The following IL12RB1 variants were observed in gnomAD, a reference collection of about 807,000 sequenced individuals.
IL12RB1 encodes interleukin-12 receptor subunit beta-1.
IL12RB1 carries 64 observed loss-of-function variants against 94.4 expected under a neutral mutation model. The ratio of observed to expected loss-of-function variants is 0.68; its 90% CI spans 0.55 to 0.83. The LOEUF is 0.83. Ranked by LOEUF, IL12RB1 falls within the 40% of genes least tolerant of loss-of-function variation. IL12RB1 has a pLI of 0.00. For missense variants in IL12RB1, 814 were observed against 855.6 expected (o/e 0.95, Z 0.61); for synonymous variants, 362 against 355.5 (o/e 1.02, Z -0.21).
chr19:18,059,409 G>A lies in IL12RB1; in HGVS notation c.*199C>T. ...TCTGCTCCTGCCCCACGGATGCCAG[G>A]CCCAGCAGGGTGCAGCAGCTTCCAT... On this transcript the variant is annotated 3_prime_UTR_variant, in exon 17 of 17. Coordinates refer to ENST00000593993, the MANE Select transcript of IL12RB1 (RefSeq NM_005535.3). 4.7e-6 allele frequency: 3 copies of A among 640,076 alleles called. No individual in the cohort carries two copies. Among genetic ancestry groups the A allele is most frequent in the Non-Finnish European group, 8.5e-6 (3 of 352,354 alleles). 39.6% of individuals were successfully genotyped at this position (640,076 alleles called of 1,614,324 possible).
Position 18,066,522 on chromosome 19 carries a change from G to C in IL12RB1, c.1483+20C>G, listed in dbSNP as rs1380431660. 1 of 1,591,934 alleles carries C rather than the reference G, an allele frequency of 6.3e-7. No individual in the cohort carries two copies. Among genetic ancestry groups the C allele is most frequent in the African/African-American group, 1.3e-5 (1 of 74,504 alleles). ...GATCCTCCCTTCCTCCCCAAGCCAG[G>C]TCTGCACTGCCTCACGTACCTGACA... On this transcript the variant is annotated intron_variant, in intron 12 of 16. Coordinates refer to ENST00000593993, the MANE Select transcript of IL12RB1 (RefSeq NM_005535.3).
chr19:18,091,766 T>C (rs2036639289), upstream of IL12RB1, among the ~76,000 whole-genome samples: 2 of 151,630 alleles, frequency 1.3e-5, no homozygotes, highest in South Asian at 2.1e-4. Flanking sequence ...GACACAATCA[T>C]AGCTCACTGC....
chr19:18,078,638 G>T (rs1429829508), intron 4 of IL12RB1, among the ~76,000 whole-genome samples: 1 of 151,702 alleles, frequency 6.6e-6, no homozygotes, highest in Non-Finnish European at 1.5e-5. Flanking sequence ...GGCTCCCAAA[G>T]TGCTGGGATT....
chr19:18,081,556 A>G (rs2035900186), intron 3 of IL12RB1, among the ~76,000 whole-genome samples: 1 of 149,556 alleles, frequency 6.7e-6, no homozygotes, highest in African/African-American at 2.4e-5. Flanking sequence ...GCAGTGCCTC[A>G]CGCTTGTAAT....
Position 18,086,885 on chromosome 19 carries a change from A to ACCCCGTCCCCACT in IL12RB1, c.-75_-63dup. 6.3e-7 allele frequency: 1 copy of ACCCCGTCCCCACT among 1,580,470 alleles called. No homozygotes were observed. The highest frequency in any genetic ancestry group is 8.6e-7 in the Non-Finnish European group (1 of 1,162,506). On this transcript the variant is annotated 5_prime_UTR_variant, in exon 1 of 17. Transcript: ENST00000593993. ...TCTCTGCCACCTGCGAGGTTCAGCC[A>ACCCCGTCCCCACT]CCCCGTCCCCACTCCGGAACACATT...
intron 13 of IL12RB1, among the ~76,000 whole-genome samples, chr19:18,062,832 C>A (rs184504505): frequency 6.6e-6 from 1 of 152,114 alleles, no homozygotes; most frequent in African/African-American, 2.4e-5. Flanking sequence ...CATGTGGCTG[C>A]CCCTGGACCC....
chr19:18,068,120 G>A (rs1299250174), intron 11 of IL12RB1, among the ~76,000 whole-genome samples: 1 of 147,728 alleles, frequency 6.8e-6, no homozygotes, highest in African/African-American at 2.5e-5. Context: ...CCGCCTCCTG[G>A]GTTCAAGCGA....
chr19:18,086,659 G>A, intron 1 of IL12RB1, 101 bp downstream of exon 1: 1 of 1,155,558 alleles, frequency 8.7e-7, no homozygotes, highest in Non-Finnish European at 1.2e-6. Flanking sequence ...CTGAGGCACA[G>A]AGAGATGAAA....
chr19:18,063,932 C>G lies in IL12RB1; in HGVS notation c.1562G>C (p.Arg521Pro). Reference protein sequence around the residue: ...RAGVAYTVQVRADTAWLRGVW... With the variant: ...RAGVAYTVQVPADTAWLRGVW... ...ACCCCTCAGCCACGCTGTGTCTGCT[C>G]GCACCTGCACCGTGTAGGCTACACC... The change falls in exon 13 of 17, where the codon CGA becomes CCA. Residue 521 changes from arginine (R) to proline (P), a missense_variant. Coordinates refer to ENST00000593993, the MANE Select transcript of IL12RB1 (RefSeq NM_005535.3). 2 of 1,613,260 alleles carry G rather than the reference C, an allele frequency of 1.2e-6. No individual in the cohort carries two copies. Among genetic ancestry groups the G allele is most frequent in the Non-Finnish European group, 1.7e-6 (2 of 1,179,476 alleles).
intron 5 of IL12RB1, among the ~76,000 whole-genome samples, chr19:18,077,288 G>C (rs2035556001): frequency 6.6e-6 from 1 of 152,172 alleles, no homozygotes; most frequent in East Asian, 1.9e-4. Context: ...CTTGAACCCG[G>C]GAGGCAGAGG....
rs17852635 is a variant in IL12RB1 at position 18,075,765 on chromosome 19, G to C, written c.684C>G (p.Pro228=). The change falls in exon 7 of 17, where the codon CCC becomes CCG. Residue 228 remains proline (P), a synonymous_variant. Coordinates refer to ENST00000593993, the MANE Select transcript of IL12RB1 (RefSeq NM_005535.3). Reference sequence around the variant, plus strand: ...TGATCTTACCAGGGGGAACGCACACGGGGCTGCTCCACTTGCTCCAGGAAC... The same window carrying C: ...TGATCTTACCAGGGGGAACGCACACCGGGCTGCTCCACTTGCTCCAGGAAC... ...QGSSWSKWSS[P]VCVPPENPPQ... 36 of 1,612,268 alleles carry C rather than the reference G, an allele frequency of 2.2e-5. No homozygotes were observed. The East Asian group carries it at 6.9e-4, about 31-fold the overall frequency.
rs754690787 is a variant in IL12RB1, at chr19:18,081,018, G to A, written c.240-17C>T. On this transcript the variant is annotated splice_polypyrimidine_tract_variant and intron_variant, in intron 3 of 16. Transcript: ENST00000593993. ...GAGCTAAGGCTGCAGCAGGAAGGAG[G>A]GTGTCAGTGCCGAGTCTGGGGTCCT... is the stretch of plus-strand genomic sequence containing the variant. 5.6e-6 allele frequency: 9 copies of A among 1,607,504 alleles called. No individual in the cohort carries two copies. Among genetic ancestry groups the A allele is most frequent in the Non-Finnish European group, 7.6e-6 (9 of 1,179,410 alleles).
At chr19:18,060,118 C>A in intron 15 of IL12RB1, 33 bp from the exon 16 acceptor site, 2 of 1,207,488 alleles carry the variant, frequency 1.7e-6, no homozygotes, top group Middle Eastern at 1.9e-4. Flanking sequence ...CAGCTGTGAG[C>A]AGAGCTCTAC....
intron 1 of IL12RB1, chr19:18,097,884 C>A: frequency 8.3e-7 from 1 of 1,206,438 alleles, no homozygotes; most frequent in Non-Finnish European, 1.0e-6. Flanking sequence ...CAAGTGGACG[C>A]GGCCTGAAAG....
intron 7 of IL12RB1, among the ~76,000 whole-genome samples, chr19:18,074,102 C>A (rs982843372): frequency 1.3e-5 from 2 of 152,250 alleles, no homozygotes; most frequent in African/African-American, 4.8e-5. Context: ...GAATTATAGG[C>A]GTGAGCCACT....
Position 18,059,920 on chromosome 19 carries a change from C to T in IL12RB1, c.1957G>A (p.Glu653Lys). ...ELALDTELSL[E>K]DGDRCKAKM The stretch of plus-strand genomic sequence containing the variant: ...TTGGCCTTGCACCTGTCTCCATCCT[C>T]CAAGGACAACTCTGTATCCAGGGCC... Residue 653 changes from glutamate to lysine, a missense_variant, in exon 16 of 17, where the codon GAG (glutamate) becomes AAG (lysine). By Grantham distance (56) the Glu-to-Lys change is moderately conservative. Coordinates refer to ENST00000593993, the MANE Select transcript of IL12RB1 (RefSeq NM_005535.3). 1 of 1,588,172 alleles carries T rather than the reference C, an allele frequency of 6.3e-7. No homozygotes were observed. Among genetic ancestry groups the T allele is most frequent in the Non-Finnish European group, 8.6e-7 (1 of 1,166,996 alleles).
chr19:18,072,921 T>G (rs1236417043), intron 8 of IL12RB1, among the ~76,000 whole-genome samples: 1 of 126,338 alleles, frequency 7.9e-6, no homozygotes, highest in Non-Finnish European at 1.6e-5. Flanking sequence ...CACTCCAGCC[T>G]GGGCGACAGA....
chr19:18,087,525 T>C (rs1370217322), upstream of IL12RB1, among the ~76,000 whole-genome samples: 1 of 151,066 alleles, frequency 6.6e-6, no homozygotes, highest in Non-Finnish European at 1.5e-5. Flanking sequence ...ATTCTTTTTT[T>C]CTTCTTTTGA....
chr19:18,068,526 G>T lies in IL12RB1; in HGVS notation c.1190C>A (p.Ala397Glu). The T allele has an allele frequency of 6.2e-7, 1 of 1,612,080 alleles. No individual in the cohort carries two copies. The highest frequency in any genetic ancestry group is 1.1e-5 in the South Asian group (1 of 91,016). Residue 397 changes from alanine (A) to glutamate (E), a missense_variant and splice_region_variant, in exon 11 of 17, where the codon GCA becomes GAA. Transcript: ENST00000593993. Reference sequence around the variant, plus strand: ...AGACTCTCGACTCCAGCTGTAGGTTGCTGGAAGGATAAGCAAAGGCCAGGC... The same window carrying T: ...AGACTCTCGACTCCAGCTGTAGGTTTCTGGAAGGATAAGCAAAGGCCAGGC... ...APQDPDPAGMATYSWSRESGA... is the reference protein window; with the variant it reads ...APQDPDPAGMETYSWSRESGA...
Sources: gnomAD v4.1 joint callset for allele counts (sites outside exome capture counted in the v4.1 genomes callset) on GRCh38, gnomAD v4.1.1 for gene constraint, MANE v1.5 for transcripts, NCBI Gene and HGNC (gene_info 2026-07-23, HGNC 2026-07-21) for gene names.